Variants in TEX14 observed in about 807,000 individuals in gnomAD.
The protein encoded by TEX14 is testis expressed 14, intercellular bridge forming factor.
TEX14 carries 168 observed loss-of-function variants against 178.6 expected under a neutral mutation model. That is an observed-to-expected ratio of 0.94 (90% CI 0.83 to 1.07). TEX14 has a LOEUF of 1.07. Among genes scored for constraint, TEX14 ranks in the 50% least tolerant of loss-of-function variants. The pLI is 0.00. For synonymous variants in TEX14, 626 were observed against 634.1 expected (o/e 0.99, Z 0.19); for missense variants, 1,730 against 1,753.6 (o/e 0.99, Z 0.24).
rs1453302140 is a variant in TEX14, at chr17:58,563,845, AG to A, written c.4064+1023del. On this transcript the variant is annotated intron_variant, in intron 28 of 31. Coordinates refer to ENST00000349033, the MANE Select transcript of TEX14 (RefSeq NM_031272.5). ...ACACACACACACACACAGACGGCAA[AG>A]AACTCAGACATTTCTCCAAAGAAGA... Among the ~76,000 whole-genome samples the A allele has an allele frequency of 2.0e-5, 3 of 150,078 alleles. No homozygotes were observed. The Admixed American group carries it at 2.0e-4, about 10-fold the overall frequency.
rs1207413093 is a variant in TEX14, at chr17:58,565,910, T to A, written c.3887-86A>T. On this transcript the variant is annotated intron_variant, in intron 26 of 31. Transcript: ENST00000349033. ...TAGAGCAGTGGTTCTCCAAGGGTGA[T>A]CCTTAGACTTGCAGCATTAACATAA... The A allele has an allele frequency of 7.7e-6, 8 of 1,035,372 alleles. No homozygotes were observed. In the African/African-American group the frequency reaches 1.3e-4, roughly 16 times the overall value. 64.1% of individuals were successfully genotyped at this position (1,035,372 alleles called of 1,614,324 possible). A position where few individuals can be genotyped will look rare whatever the true frequency, so the allele number is the denominator to read the frequency against.
rs755537604 is a variant in TEX14 at position 58,572,111 on chromosome 17, G to A, written c.3527C>T (p.Ala1176Val). Residue 1176 changes from alanine to valine, a missense_variant, in exon 24 of 32, where the codon GCT becomes GTT. Transcript: ENST00000349033. ...TPLSPGSVSS[A>V]ASQYKDCLES... ...AAGGCAGTCTTTATACTGACTGGCA[G>A]CTGAAGAAACGGACCCTGTTGGAGA... is the stretch of plus-strand genomic sequence containing the variant. The A allele has an allele frequency of 1.2e-6, 2 of 1,607,178 alleles. No homozygotes were observed. Among genetic ancestry groups the A allele is most frequent in the East Asian group, 2.2e-5 (1 of 44,706 alleles).
At chr17:58,641,409 C>T (rs1232927794) in intron 2 of TEX14, among the ~76,000 whole-genome samples, 3 of 151,542 alleles carry the variant, frequency 2.0e-5, no homozygotes, top group African/African-American at 7.3e-5. Flanking sequence ...TAAAACAAAA[C>T]AAAACAAAAC....
chr17:58,611,132 G>A (rs1225286795), intron 10 of TEX14, 29 bp downstream of exon 10: 1 of 1,583,422 alleles, frequency 6.3e-7, no homozygotes, highest in Non-Finnish European at 8.7e-7. Flanking sequence ...TCAACTTCAG[G>A]AGAAAGTCCC....
chr17:58,609,361 G>A (rs747810710), intron 10 of TEX14, among the ~76,000 whole-genome samples: 8 of 151,938 alleles, frequency 5.3e-5, no homozygotes, highest in Non-Finnish European at 8.8e-5. Context: ...CACCCGTCTC[G>A]GCCTCCCAAA....
intron 28 of TEX14, among the ~76,000 whole-genome samples, 159 bp downstream of exon 28, chr17:58,564,710 C>T (rs182301300): frequency 1.4e-4 from 22 of 152,070 alleles, no homozygotes; most frequent in African/African-American, 4.3e-4. Context: ...AAAAAAGCAA[C>T]GCTTTTTAAA....
intron 21 of TEX14, among the ~76,000 whole-genome samples, chr17:58,576,925 C>T (rs113288237): frequency 1.3e-5 from 2 of 152,198 alleles, no homozygotes; most frequent in African/African-American, 4.8e-5. Context: ...TAATCATTTA[C>T]TTGGTGAAGG....
In TEX14 at chr17:58,601,892, T is replaced by C. The variant is rs1314045385; in HGVS notation, c.1592A>G (p.His531Arg). Reference protein sequence around the residue: ...ESPRVQRYGLHPDVNVYLGLT... With the variant: ...ESPRVQRYGLRPDVNVYLGLT... ...TCCTAGATAGACATTGACATCGGGATGGAGTCCGTATCTCTGCACTCTGGG... is the reference window on the plus strand; with the variant it reads ...TCCTAGATAGACATTGACATCGGGACGGAGTCCGTATCTCTGCACTCTGGG... The change falls in exon 13 of 32, where the codon CAT (histidine) becomes CGT (arginine). Residue 531 changes from histidine to arginine, a missense_variant. Coordinates refer to ENST00000349033, the MANE Select transcript of TEX14 (RefSeq NM_031272.5). 3 of 1,613,512 alleles carry C rather than the reference T, an allele frequency of 1.9e-6. No individual in the cohort carries two copies. Among genetic ancestry groups the C allele is most frequent in the Non-Finnish European group, 1.7e-6 (2 of 1,180,002 alleles).
chr17:58,679,171 A>G (rs1335822512), intron 1 of TEX14, among the ~76,000 whole-genome samples: 1 of 152,158 alleles, frequency 6.6e-6, no homozygotes, highest in Non-Finnish European at 1.5e-5. Context: ...AAGAAAAAAA[A>G]CAGAAGGACT....
intron 7 of TEX14, 152 bp from the exon 8 acceptor site, chr17:58,615,497 C>G: frequency 4.8e-6 from 3 of 626,992 alleles, no homozygotes; most frequent in East Asian, 3.0e-5. Context: ...CTCCCACTAC[C>G]CACCCCCAGG....
At chr17:58,628,772 C>G (rs548570184) in intron 3 of TEX14, among the ~76,000 whole-genome samples, 1 of 151,632 alleles carries the variant, frequency 6.6e-6, no homozygotes, top group African/African-American at 2.4e-5. Flanking sequence ...GTAATCCCAG[C>G]TACTTGGAAG....
intron 13 of TEX14, among the ~76,000 whole-genome samples, chr17:58,601,029 G>A (rs934470825): frequency 1.4e-4 from 21 of 151,966 alleles, no homozygotes; most frequent in Non-Finnish European, 1.5e-5. Context: ...TGGGAGGACT[G>A]CTTGAGGCCA....
chr17:58,676,302 G>C (rs1363672103), intron 1 of TEX14, among the ~76,000 whole-genome samples: 1 of 152,060 alleles, frequency 6.6e-6, no homozygotes, highest in Non-Finnish European at 1.5e-5. Context: ...CTTGAACCCT[G>C]GGGGCAGAGG....
intron 1 of TEX14, among the ~76,000 whole-genome samples, chr17:58,683,376 C>CT (rs1277859203): frequency 7.4e-5 from 11 of 147,824 alleles, no homozygotes; most frequent in Non-Finnish European, 1.3e-4. Flanking sequence ...CCATCCCCCC[C>CT]CCCAAAAAAA....
chr17:58,589,872 G>T (rs975362685), intron 15 of TEX14, among the ~76,000 whole-genome samples: 2 of 151,576 alleles, frequency 1.3e-5, no homozygotes, highest in Non-Finnish European at 2.9e-5. Context: ...GCTAGTTTTT[G>T]TATTTTTGGT....
chr17:58,630,346 G>T, intron 3 of TEX14, 94 bp downstream of exon 3: 1 of 943,648 alleles, frequency 1.1e-6, no homozygotes. Flanking sequence ...ATGAGACACC[G>T]CACCCGGCCA....
intron 28 of TEX14, among the ~76,000 whole-genome samples, chr17:58,563,635 A>G (rs1381387925): frequency 1.6e-4 from 4 of 25,170 alleles, no homozygotes; most frequent in African/African-American, 8.0e-4. Context: ...ATATATATAT[A>G]TATATATATA....
At chr17:58,566,626 C>T (rs138796466) in intron 26 of TEX14, among the ~76,000 whole-genome samples, 1,770 of 151,434 alleles carry the variant, frequency 0.012, 41 homozygotes, top group African/African-American at 0.041. Flanking sequence ...TAGTGAAACC[C>T]CATCTCTACT....
chr17:58,573,033 A>G (rs901002612), intron 23 of TEX14, 148 bp downstream of exon 23: 36 of 1,168,374 alleles, frequency 3.1e-5, no homozygotes, highest in East Asian at 7.3e-5. Context: ...CTGGCCTACA[A>G]TGGGATTACC....
Sources: allele counts gnomAD v4.1 joint callset (sites outside exome capture counted in the v4.1 genomes callset), GRCh38; gene constraint gnomAD v4.1.1; transcripts MANE v1.5; gene names NCBI Gene and HGNC (gene_info 2026-07-23, HGNC 2026-07-21).